CENPI: variants seen among roughly 807,000 people sequenced by gnomAD.
CENPI encodes centromere protein I, also known as FSH primary response 1.
Under a neutral mutation model 60.4 loss-of-function variants are expected in CENPI, and 4 were observed. That is an observed-to-expected ratio of 0.07 (90% CI 0.03 to 0.15). The LOEUF is 0.15. Ranked by LOEUF, CENPI falls within the 10% of genes least tolerant of loss-of-function variation. The pLI is 1.00. For missense variants in CENPI, 444 were observed against 534.5 expected, an observed-to-expected ratio of 0.83 and a Z score of 1.67; for synonymous variants, 157 against 189.4, an observed-to-expected ratio of 0.83 and a Z score of 1.40.
At chrX:101,154,617 G>A (rs887206337) in intron 20 of CENPI, among the ~76,000 whole-genome samples, 2 of 111,234 alleles carry the variant, frequency 1.8e-5, no homozygotes, top group African/African-American at 6.5e-5. Context: ...ATCCAGCTGC[G>A]ATTCTGATAG....
intron 2 of CENPI, among the ~76,000 whole-genome samples, chrX:101,099,236 C>T (rs993262709): frequency 1.8e-4 from 20 of 110,409 alleles, no homozygotes; most frequent in African/African-American, 6.6e-4. Flanking sequence ...CGAGACCAGC[C>T]TGGCTAACAT....
the CENPI span, among the ~76,000 whole-genome samples, chrX:101,171,950 C>T: frequency 9.0e-6 from 1 of 111,519 alleles, no homozygotes; most frequent in Non-Finnish European, 1.9e-5. Flanking sequence ...CTATTTTATT[C>T]CGAATATATA....
intron 20 of CENPI, among the ~76,000 whole-genome samples, chrX:101,160,373 TTC>T (rs2090096258): frequency 1.1e-5 from 1 of 94,696 alleles, no homozygotes; most frequent in Admixed American, 1.2e-4. Context: ...TAGCTTTTAG[TTC>T]TTTTTTTTTT....
At chrX:101,100,504 C>G (rs1433908578) in intron 2 of CENPI, 1 of 112,666 alleles carries the variant, frequency 8.9e-6, no homozygotes, top group East Asian at 2.8e-4. Context: ...CAGCCTTCAC[C>G]TCCTGGGTTC....
rs139338909 is a variant in CENPI, at chrX:101,103,892, A to G, written c.364+1481A>G. Among the ~76,000 whole-genome samples the G allele has an allele frequency of 6.9e-3, 776 of 112,455 alleles. 9 individuals are homozygous for G. The highest frequency in any genetic ancestry group is 0.024 in the African/African-American group (737 of 31,068). ...TTTTTTAGTATTTATCTTAAGAAGC[A>G]TACGTAGTAATTTAAACAATGTTGC... On this transcript the variant is annotated intron_variant, in intron 4 of 21. Transcript: ENST00000682095.
intron 6 of CENPI, among the ~76,000 whole-genome samples, chrX:101,118,680 G>T (rs2089646954): frequency 8.9e-6 from 1 of 112,024 alleles, no homozygotes; most frequent in Admixed American, 9.5e-5. Context: ...TTCCTTTCTA[G>T]ATGTGATTAA....
At chrX:101,152,595 G>A (rs1392408589) in intron 20 of CENPI, among the ~76,000 whole-genome samples, 1 of 109,387 alleles carries the variant, frequency 9.1e-6, no homozygotes, top group African/African-American at 3.3e-5. Flanking sequence ...TAGAGACAGG[G>A]TTTCACCATG....
intron 15 of CENPI, among the ~76,000 whole-genome samples, chrX:101,135,653 A>G (rs1243889704): frequency 1.8e-5 from 2 of 112,243 alleles, no homozygotes; most frequent in African/African-American, 3.2e-5. Context: ...AATTATTTGT[A>G]AACAATCTTA....
chrX:101,115,397 ACT>A (rs772717329), intron 6 of CENPI, among the ~76,000 whole-genome samples: 48 of 108,065 alleles, frequency 4.4e-4, no homozygotes, highest in Non-Finnish European at 6.9e-4. Flanking sequence ...AACGAGCGAG[ACT>A]CTGTCTCAAA....
In CENPI at chrX:101,127,528, C is replaced by T; in HGVS notation, c.937C>T (p.Leu313Phe). The change falls in exon 11 of 22, where the codon CTC becomes TTC. Residue 313 changes from leucine (L) to phenylalanine (F), a missense_variant. Leu to Phe is a conservative substitution (Grantham distance 22). Coordinates refer to ENST00000682095, the MANE Select transcript of CENPI (RefSeq NM_001386188.2). ...GAATTCTCTCTCAGTTATACCAGTG[C>T]TCAATTCCAGTAGCTACACTAAAGA... is the stretch of plus-strand genomic sequence containing the variant. ...KWNSLSVIPV[L>F]NSSSYTKECG... is the part of the protein sequence containing the mutation. The T allele has an allele frequency of 8.4e-7, 1 of 1,194,618 alleles. No individual in the cohort carries two copies. The highest frequency in any genetic ancestry group is 1.1e-6 in the Non-Finnish European group (1 of 885,002).
downstream of CENPI, among the ~76,000 whole-genome samples, chrX:101,169,002 T>C (rs2090150777): frequency 8.9e-6 from 1 of 112,308 alleles, no homozygotes; most frequent in Non-Finnish European, 1.9e-5. Context: ...GCAGCTATTA[T>C]AAGTATCTTC....
intron 15 of CENPI, among the ~76,000 whole-genome samples, chrX:101,136,553 TAAATG>T (rs2089850170): frequency 1.8e-5 from 2 of 112,428 alleles, no homozygotes; most frequent in Non-Finnish European, 3.7e-5. Flanking sequence ...CTTAGTCTAA[TAAATG>T]AATAGTATTT....
the CENPI span, among the ~76,000 whole-genome samples, chrX:101,171,835 A>G: frequency 8.9e-6 from 1 of 112,186 alleles, no homozygotes; most frequent in African/African-American, 3.2e-5. Context: ...ATAACAGAAA[A>G]AAATGAACTT....
chrX:101,158,937 G>T (rs1363594022), intron 20 of CENPI, among the ~76,000 whole-genome samples: 1 of 110,467 alleles, frequency 9.1e-6, no homozygotes, highest in Non-Finnish European at 1.9e-5. Context: ...GGCCAATAGA[G>T]ATCACTTTGG....
rs78907384 is a variant in CENPI, at chrX:101,107,349, A to ATT, written c.365-2117_365-2116dup. Among the ~76,000 whole-genome samples, 9 of 107,907 alleles carry ATT rather than the reference A, an allele frequency of 8.3e-5. No homozygotes were observed. In the East Asian group the frequency reaches 2.4e-3, roughly 28 times the overall value. 93.7% of individuals were successfully genotyped at this position (107,907 alleles called of 115,157 possible). A position where few individuals can be genotyped will look rare whatever the true frequency, so the allele number is the denominator to read the frequency against. The stretch of plus-strand genomic sequence containing the variant: ...GTATAATTTACATACCATAAAATTC[A>ATT]TTTTTTTTCTTTTCTTTTTTTTGTG... On this transcript the variant is annotated intron_variant, in intron 4 of 21. Transcript: ENST00000682095.
At chrX:101,134,592 A>G (rs749655484) in intron 15 of CENPI, among the ~76,000 whole-genome samples, 23 of 111,838 alleles carry the variant, frequency 2.1e-4, no homozygotes, top group African/African-American at 7.4e-4. Flanking sequence ...GAGAAGAGAA[A>G]GCAAATTATG....
chrX:101,134,881 G>A (rs1458846918), intron 15 of CENPI, among the ~76,000 whole-genome samples: 1 of 110,256 alleles, frequency 9.1e-6, no homozygotes, highest in Non-Finnish European at 1.9e-5. Context: ...AAAATTAGCC[G>A]GGCGTGCCCA....
chrX:101,159,534 C>T (rs767113361), intron 20 of CENPI, among the ~76,000 whole-genome samples: 6 of 108,968 alleles, frequency 5.5e-5, no homozygotes, highest in Non-Finnish European at 1.1e-4. Flanking sequence ...TCTTGGCTCT[C>T]TGAAACCTCC....
intron 6 of CENPI, among the ~76,000 whole-genome samples, chrX:101,115,100 A>G (rs1344153008): frequency 3.7e-5 from 4 of 108,774 alleles, no homozygotes; most frequent in Admixed American, 3.0e-4. Context: ...AGTAGCTGTG[A>G]TTACAGGCCT....
Sources: gnomAD v4.1 joint callset for allele counts (sites outside exome capture counted in the v4.1 genomes callset) on GRCh38, gnomAD v4.1.1 for gene constraint, MANE v1.5 for transcripts, NCBI Gene and HGNC (gene_info 2026-07-23, HGNC 2026-07-21) for gene names.